ATP2B3: variants seen among roughly 807,000 people sequenced by gnomAD.
The protein encoded by ATP2B3 is plasma membrane calcium-transporting ATPase 3.
Under a neutral mutation model 70.8 loss-of-function variants are expected in ATP2B3, and 12 were observed. The ratio of observed to expected loss-of-function variants is 0.17; its 90% CI spans 0.11 to 0.27. The LOEUF (loss-of-function observed/expected upper bound fraction) is 0.27. Among genes scored for constraint, ATP2B3 ranks in the 10% least tolerant of loss-of-function variants. The pLI is 1.00. For missense variants in ATP2B3, 858 were observed against 1,118.5 expected (o/e 0.77, Z 3.32); for synonymous variants, 460 against 497.8 (o/e 0.92, Z 1.01).
chrX:153,549,794 C>T, intron 11 of ATP2B3, 55 bp downstream of exon 11: 1 of 1,168,961 alleles, frequency 8.6e-7, no homozygotes, highest in East Asian at 3.0e-5. Context: ...AGGGGAGGGT[C>T]CTGGCCAGGG....
chrX:153,547,881 G>A lies in ATP2B3; in HGVS notation c.1005G>A (p.Lys335=). The A allele has an allele frequency of 8.3e-7, 1 of 1,210,142 alleles. No individual in the cohort carries two copies. The highest frequency in any genetic ancestry group is 1.1e-6 in the Non-Finnish European group (1 of 894,582). ...TGGCCATGGAGATGCAGCCCCTGAA[G>A]AGCGCGGAGGGTGGGGAGATGGAGG... ...GAVAMEMQPL[K]SAEGGEMEER... The change falls in exon 9 of 22, where the codon AAG becomes AAA. Residue 335 remains lysine (K), a synonymous_variant. Transcript: ENST00000263519.
chrX:153,563,469 G>T (rs1177259970), intron 20 of ATP2B3, among the ~76,000 whole-genome samples: 1 of 112,074 alleles, frequency 8.9e-6, no homozygotes, highest in African/African-American at 3.2e-5. Flanking sequence ...CTCTGTGCCG[G>T]CCACAGGGGC....
chrX:153,575,506 C>T (rs956044417), intron 21 of ATP2B3, among the ~76,000 whole-genome samples: 2 of 111,798 alleles, frequency 1.8e-5, no homozygotes, highest in Non-Finnish European at 3.8e-5. Flanking sequence ...GGGCCGGCTC[C>T]GAGGGCCACA....
intron 2 of ATP2B3, among the ~76,000 whole-genome samples, chrX:153,534,926 T>TC (rs1478904167): frequency 1.8e-5 from 2 of 112,963 alleles, no homozygotes; most frequent in Non-Finnish European, 3.7e-5. Flanking sequence ...TCTTCAGGGC[T>TC]CTGGGCCACT....
chrX:153,542,314 G>C lies in ATP2B3; in HGVS notation c.665-9G>C, dbSNP rs376636792. On this transcript the variant is annotated splice_polypyrimidine_tract_variant and intron_variant, in intron 5 of 21. Transcript: ENST00000263519. ...TGGGGAGAAAGGCCTCTGCTTCCCG[G>C]TGCTCTAGGCGACCTGCTGCCAGCC... 4.1e-6 allele frequency: 5 copies of C among 1,209,598 alleles called. No homozygotes were observed. In the African/African-American group the frequency reaches 7.0e-5, roughly 17 times the overall value.
intron 18 of ATP2B3, 139 bp from the exon 19 acceptor site, chrX:153,560,537 G>T (rs1319739016): frequency 1.4e-6 from 1 of 695,775 alleles, no homozygotes; most frequent in East Asian, 3.5e-5. Context: ...TGGCTGCCTT[G>T]GGCCTTGGCC....
chrX:153,576,231 C>T (rs2090855555), intron 21 of ATP2B3, among the ~76,000 whole-genome samples: 2 of 110,901 alleles, frequency 1.8e-5, no homozygotes, highest in Admixed American at 1.9e-4. Context: ...AGAGAAGGGA[C>T]AGGAAGGATG....
intron 18 of ATP2B3, among the ~76,000 whole-genome samples, chrX:153,560,270 A>G (rs782218445): frequency 8.9e-6 from 1 of 112,000 alleles, no homozygotes; most frequent in African/African-American, 3.2e-5. Flanking sequence ...CAGAGTGGCC[A>G]CGGTAACCCT....
intron 3 of ATP2B3, among the ~76,000 whole-genome samples, chrX:153,539,720 C>T (rs1603047030): frequency 8.8e-6 from 1 of 113,040 alleles, no homozygotes; most frequent in Non-Finnish European, 1.9e-5. Flanking sequence ...GCCGGGTGAG[C>T]GCCCGGGAGG....
chrX:153,544,457 C>G (rs1326951203), intron 7 of ATP2B3, among the ~76,000 whole-genome samples: 1 of 112,090 alleles, frequency 8.9e-6, no homozygotes. Flanking sequence ...CAGCCCCTCC[C>G]AGGCCCCACC....
At chrX:153,533,701 C>T (rs782799491) in intron 2 of ATP2B3, among the ~76,000 whole-genome samples, 14 of 111,475 alleles carry the variant, frequency 1.3e-4, no homozygotes, top group African/African-American at 4.2e-4. Context: ...AAGTTGGCCC[C>T]GGGACCATGG....
At chrX:153,561,559 C>T (rs1311934695) in intron 19 of ATP2B3, among the ~76,000 whole-genome samples, 1 of 111,395 alleles carries the variant, frequency 9.0e-6, no homozygotes, top group Non-Finnish European at 1.9e-5. Flanking sequence ...GCTGTGGTTC[C>T]CTCGGGGAGG....
chrX:153,536,006 C>T (rs1557003688), intron 2 of ATP2B3, 116 bp from the exon 3 acceptor site: 4 of 431,342 alleles, frequency 9.3e-6, no homozygotes, highest in East Asian at 7.8e-5. Flanking sequence ...GTGATTTCTG[C>T]ACTTCGAGGG....
chrX:153,572,732 C>T (rs1557020250), intron 21 of ATP2B3, among the ~76,000 whole-genome samples: 1 of 111,597 alleles, frequency 9.0e-6, no homozygotes, highest in African/African-American at 3.3e-5. Context: ...CTGGTGACTA[C>T]CCCACACCAT....
At chrX:153,562,471 C>T (rs1003716332) in intron 20 of ATP2B3, among the ~76,000 whole-genome samples, 3 of 112,252 alleles carry the variant, frequency 2.7e-5, no homozygotes, top group East Asian at 2.8e-4. Flanking sequence ...GAAAACTGCC[C>T]GCAGCTCCCC....
In ATP2B3 at chrX:153,517,655, G is replaced by A. The variant is rs1487744917; in HGVS notation, c.-467G>A. ...CCCTCCGCGCTCAGAGCTGCGGTTG[G>A]AGCCGAGCGCGCCGCGTCGCCCGCC... On this transcript the variant is annotated 5_prime_UTR_variant, in exon 1 of 22. Coordinates refer to ENST00000263519, the MANE Select transcript of ATP2B3 (RefSeq NM_001001344.3). 9.3e-6 allele frequency: 1 copy of A among 107,396 alleles called. No individual in the cohort carries two copies. The highest frequency in any genetic ancestry group is 3.4e-5 in the African/African-American group (1 of 29,606). 8.9% of individuals were successfully genotyped at this position (107,396 alleles called of 1,213,427 possible).
rs868986907 is a variant in ATP2B3 at position 153,536,182 on chromosome X, G to A, written c.-66G>A. 6.1e-6 allele frequency: 7 copies of A among 1,139,753 alleles called. No homozygotes were observed. Among genetic ancestry groups the A allele is most frequent in the Non-Finnish European group, 8.3e-6 (7 of 847,573 alleles). 93.9% of individuals were successfully genotyped at this position (1,139,753 alleles called of 1,213,427 possible). ...ACCTTGCCTGGGCACTGGGACCGTGGGTGGCCGCCTGTCCCTAGCTGTGGC... is the reference window on the plus strand; with the variant it reads ...ACCTTGCCTGGGCACTGGGACCGTGAGTGGCCGCCTGTCCCTAGCTGTGGC... On this transcript the variant is annotated 5_prime_UTR_variant, in exon 3 of 22. Coordinates refer to ENST00000263519, the MANE Select transcript of ATP2B3 (RefSeq NM_001001344.3).
In ATP2B3 at chrX:153,556,989, C is replaced by T; in HGVS notation, c.2399C>T (p.Pro800Leu). Residue 800 changes from proline (P) to leucine (L), a missense_variant, in exon 16 of 22, where the codon CCG (proline) becomes CTG (leucine). Around this residue, in one of 5 missense-constraint regions of ATP2B3, gnomAD observed 50 missense variants for 106.7 expected, o/e 0.47. Coordinates refer to ENST00000263519, the MANE Select transcript of ATP2B3 (RefSeq NM_001001344.3). ...AVTGDGTNDG[P>L]ALKKADVGFA... ...ACAGGGGATGGCACCAACGATGGGC[C>T]GGCCCTCAAGAAGGCGGACGTGGGC... 6.7e-6 allele frequency: 8 copies of T among 1,192,189 alleles called. No individual in the cohort carries two copies. Among genetic ancestry groups the T allele is most frequent in the Non-Finnish European group, 7.9e-6 (7 of 885,503 alleles).
At chrX:153,548,551 C>A in intron 9 of ATP2B3, 89 bp from the exon 10 acceptor site, 1 of 843,345 alleles carries the variant, frequency 1.2e-6, no homozygotes, top group Non-Finnish European at 1.7e-6. Flanking sequence ...GCCTCCGAGA[C>A]CGTGTCCATA....
Sources: gnomAD v4.1 joint callset for allele counts (sites outside exome capture counted in the v4.1 genomes callset) on GRCh38, gnomAD v4.1.1 for gene constraint, gnomAD v4.1.1 regional missense constraint, MANE v1.5 for transcripts, NCBI Gene and HGNC (gene_info 2026-07-23, HGNC 2026-07-21) for gene names.